EVI5: variants seen among roughly 807,000 people sequenced by gnomAD.
The protein encoded by EVI5 is ecotropic viral integration site 5 protein homolog.
In EVI5, 73 loss-of-function variants were observed where a neutral mutation model predicts 112.0. The ratio of observed to expected loss-of-function variants is 0.65; its 90% confidence interval spans 0.54 to 0.79. The LOEUF (loss-of-function observed/expected upper bound fraction) is 0.79. Among genes scored for constraint, EVI5 ranks in the 30% least tolerant of loss-of-function variants. The pLI is 0.00. For missense variants in EVI5, 900 were observed against 968.8 expected (o/e 0.93, Z 0.94); for synonymous variants, 305 against 319.9 (o/e 0.95, Z 0.50).
upstream of EVI5, chr1:92,785,200 GA>G: frequency 1.5e-6 from 1 of 685,656 alleles, no homozygotes; most frequent in Non-Finnish European, 1.8e-6. Context: ...GGCCGGCCGA[GA>G]AAAGGAGAAG....
chr1:92,674,709 GA>G (rs148229872), intron 10 of EVI5, among the ~76,000 whole-genome samples: 45 of 149,566 alleles, frequency 3.0e-4, no homozygotes, highest in African/African-American at 9.6e-4. Context: ...GTATTCAGTT[GA>G]AAAAAAAATC....
rs1264681560 is a variant in EVI5 at position 92,784,281 on chromosome 1, TG to T, written c.-82+554del. ...GAAATCCTGAGGTTAATTTGAGGCT[TG>T]CCCCACTAGTCATAAGGTGATTCAG... On this transcript the variant is annotated intron_variant, in intron 1 of 19. Coordinates refer to ENST00000684568, the MANE Select transcript of EVI5 (RefSeq NM_001350197.2). 5 of 984,608 alleles carry T rather than the reference TG, an allele frequency of 5.1e-6. No homozygotes were observed. The East Asian group carries it at 5.7e-4, about 112-fold the overall frequency. 61.0% of individuals were successfully genotyped at this position (984,608 alleles called of 1,614,324 possible).
intron 13 of EVI5, among the ~76,000 whole-genome samples, chr1:92,638,390 T>C (rs1033231351): frequency 2.7e-5 from 4 of 145,666 alleles, no homozygotes; most frequent in Admixed American, 2.1e-4. Context: ...ACTCTAAACG[T>C]ATTATGTAAA....
At chr1:92,756,911 C>A in intron 1 of EVI5, 1 of 374,596 alleles carries the variant, frequency 2.7e-6, no homozygotes. Context: ...CCAGAGCTTT[C>A]AGACAAATGA....
intron 6 of EVI5, among the ~76,000 whole-genome samples, chr1:92,696,802 G>T (rs1020149935): frequency 1.3e-5 from 2 of 152,194 alleles, no homozygotes; most frequent in South Asian, 2.1e-4. Context: ...ACTTTGGAAG[G>T]CCAAGGCGGG....
chr1:92,552,932 G>T (rs1157623690), intron 19 of EVI5, among the ~76,000 whole-genome samples: 2 of 149,922 alleles, frequency 1.3e-5, no homozygotes, highest in East Asian at 3.9e-4. Flanking sequence ...ATTAACCCCA[G>T]TTTCTTAATG....
intron 13 of EVI5, among the ~76,000 whole-genome samples, chr1:92,638,718 A>G (rs1659376104): frequency 6.6e-6 from 1 of 152,174 alleles, no homozygotes; most frequent in Admixed American, 6.5e-5. Context: ...TGTCTTACTA[A>G]TAAGGAAACT....
At chr1:92,591,460 T>A (rs559653288) in intron 18 of EVI5, among the ~76,000 whole-genome samples, 1 of 152,200 alleles carries the variant, frequency 6.6e-6, no homozygotes, top group East Asian at 1.9e-4. Flanking sequence ...GGGGTTGCAA[T>A]CCTAGTTTCC....
Position 92,587,331 on chromosome 1 carries a change from T to G in EVI5, c.2070+17976A>C, listed in dbSNP as rs181665062. 2.1e-3 allele frequency among the ~76,000 whole-genome samples: 314 copies of G among 151,054 alleles called. 2 individuals carry two copies. Among genetic ancestry groups the G allele is most frequent in the African/African-American group, 7.3e-3 (300 of 41,144 alleles). On this transcript the variant is annotated intron_variant, in intron 18 of 19. Transcript: ENST00000684568. ...TGCCTTAAAGAAAAATGAAAAATAT[T>G]TTAATATTTAGGTAAATTGCTCAAA...
intron 2 of EVI5, among the ~76,000 whole-genome samples, chr1:92,721,667 A>G (rs1558146679): frequency 6.6e-6 from 1 of 152,210 alleles, no homozygotes; most frequent in Admixed American, 6.5e-5. Flanking sequence ...CCTAGAACTT[A>G]AAGTATAACA....
rs755995095 is a variant in EVI5 at position 92,563,751 on chromosome 1, AAAC to A, written c.2071-17_2071-15del. On this transcript the variant is annotated splice_polypyrimidine_tract_variant and intron_variant, in intron 18 of 19. Coordinates refer to ENST00000684568, the MANE Select transcript of EVI5 (RefSeq NM_001350197.2). Reference sequence around the variant, plus strand: ...TCCTTCTTCTTTCTGTTTTGTGACAAAACAACAAAGCAAAAACAAGAGGCAATT... The same window carrying A: ...TCCTTCTTCTTTCTGTTTTGTGACAAAACAAAGCAAAAACAAGAGGCAATT... The A allele has an allele frequency of 8.9e-6, 14 of 1,572,474 alleles. No individual in the cohort carries two copies. In the East Asian group the frequency reaches 2.7e-4, roughly 30 times the overall value.
chr1:92,557,119 G>C lies in EVI5; in HGVS notation c.2166+6523C>G, dbSNP rs568020971. Among the ~76,000 whole-genome samples the C allele has an allele frequency of 7.2e-5, 11 of 152,178 alleles. No homozygotes were observed. The South Asian group carries it at 2.1e-3, about 29-fold the overall frequency. ...GAAAAATTGCCTTCCCAACAAAAAA[G>C]ACAGGATGACAGAAGACCTTCTGGG... On this transcript the variant is annotated intron_variant, in intron 19 of 19. Transcript: ENST00000684568.
At chr1:92,791,857 C>T (rs913413641) in intron 1 of EVI5, among the ~76,000 whole-genome samples, 1 of 152,082 alleles carries the variant, frequency 6.6e-6, no homozygotes, top group African/African-American at 2.4e-5. Flanking sequence ...CGACGGGAGG[C>T]AACACTTCTG....
chr1:92,680,989 G>A (rs1360483044), intron 9 of EVI5, among the ~76,000 whole-genome samples: 1 of 152,176 alleles, frequency 6.6e-6, no homozygotes, highest in African/African-American at 2.4e-5. Context: ...CCTGGACGGA[G>A]GGTGGGGGAG....
chr1:92,718,359 C>A (rs1193783576), intron 2 of EVI5, among the ~76,000 whole-genome samples: 1 of 152,160 alleles, frequency 6.6e-6, no homozygotes, highest in Non-Finnish European at 1.5e-5. Context: ...GACAACAGTG[C>A]AATCAAATTA....
intron 19 of EVI5, among the ~76,000 whole-genome samples, chr1:92,555,848 CA>C (rs148221183): frequency 0.073 from 6,885 of 94,060 alleles, 257 homozygotes; most frequent in African/African-American, 0.21. Flanking sequence ...AAACTCGTCT[CA>C]AAAAAAAAAA....
intron 18 of EVI5, among the ~76,000 whole-genome samples, chr1:92,604,774 G>C (rs893545909): frequency 6.6e-6 from 1 of 152,210 alleles, no homozygotes; most frequent in Non-Finnish European, 1.5e-5. Flanking sequence ...AAACACATGA[G>C]TAATGTGTTG....
chr1:92,696,477 T>A (rs1670339186), intron 6 of EVI5, among the ~76,000 whole-genome samples: 1 of 151,682 alleles, frequency 6.6e-6, no homozygotes, highest in East Asian at 2.0e-4. Context: ...AAAATCAAAA[T>A]AGATAAAAAA....
intron 18 of EVI5, among the ~76,000 whole-genome samples, chr1:92,579,871 A>G (rs1205123484): frequency 6.6e-6 from 1 of 152,194 alleles, no homozygotes; most frequent in Non-Finnish European, 1.5e-5. Context: ...ATTAATAAAC[A>G]AAGTAGAAAT....
Sources: gnomAD v4.1 joint callset for allele counts (sites outside exome capture counted in the v4.1 genomes callset) on GRCh38, gnomAD v4.1.1 for gene constraint, MANE v1.5 for transcripts, NCBI Gene and HGNC (gene_info 2026-07-23, HGNC 2026-07-21) for gene names.